The following EFCAB11 variants were observed in gnomAD, a reference collection of about 807,000 sequenced individuals.
EFCAB11 encodes the protein EF-hand calcium-binding domain-containing protein 11.
Under a neutral mutation model 23.0 loss-of-function variants are expected in EFCAB11, and 14 were observed. That is an observed-to-expected ratio of 0.61 (90% CI 0.40 to 0.95). The LOEUF (loss-of-function observed/expected upper bound fraction) is 0.95, where lower values mean the gene tolerates loss of function less well. Ranked by LOEUF, EFCAB11 falls within the 40% of genes least tolerant of loss-of-function variation. EFCAB11 has a pLI of 0.00. For synonymous variants in EFCAB11, 65 were observed against 66.6 expected (o/e 0.98, Z 0.11); for missense variants, 198 against 195.8 (o/e 1.01, Z -0.07).
chr14:89,800,219 A>G (rs1481553909), intron 5 of EFCAB11, among the ~76,000 whole-genome samples: 2 of 151,630 alleles, frequency 1.3e-5, no homozygotes, highest in African/African-American at 4.8e-5. Flanking sequence ...AAACAAACAA[A>G]CAAACGCACG....
chr14:89,950,255 T>C, intron 2 of EFCAB11, 113 bp from the exon 3 acceptor site: 1 of 1,133,036 alleles, frequency 8.8e-7, no homozygotes, highest in Non-Finnish European at 1.2e-6. Flanking sequence ...CCAAGTCTGT[T>C]GAACCAAGCA....
chr14:89,808,281 C>T (rs927920081), intron 5 of EFCAB11, among the ~76,000 whole-genome samples: 5 of 152,118 alleles, frequency 3.3e-5, no homozygotes, highest in African/African-American at 1.2e-4. Flanking sequence ...TTATAATCAC[C>T]CTAGGGGCTG....
In EFCAB11 at chr14:89,925,128, G is replaced by A. The variant is rs1021833449; in HGVS notation, c.410+6413C>T. On this transcript the variant is annotated intron_variant, in intron 5 of 5. Coordinates refer to ENST00000316738, the MANE Select transcript of EFCAB11 (RefSeq NM_145231.4). ...TTATTGAGGAGGACCTTTAAAGATG[G>A]TTTAAACCTGGACAGGTAAGAGTAG... 5.9e-5 allele frequency among the ~76,000 whole-genome samples: 9 copies of A among 152,196 alleles called. No individual in the cohort carries two copies. In the South Asian group the frequency reaches 8.3e-4, roughly 14 times the overall value.
At chr14:89,828,494 A>G (rs902288220) in intron 5 of EFCAB11, among the ~76,000 whole-genome samples, 16 of 152,178 alleles carry the variant, frequency 1.1e-4, no homozygotes, top group Non-Finnish European at 2.4e-4. Context: ...AGACCCAAAG[A>G]GTTCATAGTG....
chr14:89,831,727 A>G (rs1886890750), intron 5 of EFCAB11, among the ~76,000 whole-genome samples: 2 of 152,280 alleles, frequency 1.3e-5, no homozygotes, highest in African/African-American at 4.8e-5. Context: ...TTTTAAAGAA[A>G]GAGCATGTAT....
chr14:89,878,223 G>T (rs538854731), intron 5 of EFCAB11, among the ~76,000 whole-genome samples: 160 of 152,300 alleles, frequency 1.1e-3, no homozygotes, highest in African/African-American at 3.7e-3. Flanking sequence ...CTGTGGTAGT[G>T]TGGTATGTGG....
chr14:89,835,833 G>T (rs775513776), intron 5 of EFCAB11, among the ~76,000 whole-genome samples: 21 of 151,752 alleles, frequency 1.4e-4, no homozygotes, highest in Non-Finnish European at 2.1e-4. Context: ...TCACCATGTT[G>T]GCCAGGCTGG....
intron 5 of EFCAB11, among the ~76,000 whole-genome samples, chr14:89,842,566 C>T (rs1278208940): frequency 6.6e-6 from 1 of 151,782 alleles, no homozygotes; most frequent in East Asian, 1.9e-4. Flanking sequence ...CAGAGTGACC[C>T]ACTGTCTCAA....
intron 5 of EFCAB11, among the ~76,000 whole-genome samples, chr14:89,852,935 C>T (rs530999213): frequency 1.8e-4 from 27 of 152,276 alleles, no homozygotes; most frequent in African/African-American, 6.5e-4. Context: ...GACATTCCTA[C>T]CTTCTCTCCA....
intron 5 of EFCAB11, among the ~76,000 whole-genome samples, chr14:89,908,491 T>G (rs1889565158): frequency 6.6e-6 from 1 of 152,192 alleles, no homozygotes; most frequent in Admixed American, 6.5e-5. Flanking sequence ...TGCACAAAAC[T>G]ATGAAAAATA....
At chr14:89,947,307 C>A (rs112036275) in intron 3 of EFCAB11, among the ~76,000 whole-genome samples, 1,974 of 151,944 alleles carry the variant, frequency 0.013, 16 homozygotes, top group Middle Eastern at 0.02. Flanking sequence ...CACAATAGGT[C>A]TCCTTCCCTC....
intron 5 of EFCAB11, among the ~76,000 whole-genome samples, chr14:89,803,622 T>C (rs1473646426): frequency 6.6e-6 from 1 of 152,214 alleles, no homozygotes; most frequent in East Asian, 1.9e-4. Context: ...TGATTCTTTA[T>C]GGAATAATTT....
At chr14:89,940,154 G>A (rs1282138730) in intron 3 of EFCAB11, among the ~76,000 whole-genome samples, 1 of 152,170 alleles carries the variant, frequency 6.6e-6, no homozygotes, top group East Asian at 1.9e-4. Flanking sequence ...AATAAACATG[G>A]ATGGGTGAAT....
At chr14:89,835,220 G>A (rs1026609205) in intron 5 of EFCAB11, among the ~76,000 whole-genome samples, 8 of 152,300 alleles carry the variant, frequency 5.3e-5, no homozygotes, top group Non-Finnish European at 7.4e-5. Context: ...GATGCCCGGA[G>A]GCAGAGGCCC....
chr14:89,898,191 G>T (rs1246248586), intron 5 of EFCAB11, among the ~76,000 whole-genome samples: 1 of 152,134 alleles, frequency 6.6e-6, no homozygotes, highest in Non-Finnish European at 1.5e-5. Context: ...CCCCAACAAG[G>T]TGTGAGGCCT....
At chr14:89,920,426 TAAA>T (rs1889986773) in intron 5 of EFCAB11, among the ~76,000 whole-genome samples, 1 of 152,120 alleles carries the variant, frequency 6.6e-6, no homozygotes, top group Non-Finnish European at 1.5e-5. Context: ...CTAACGCTGT[TAAA>T]AGAAGTGAGA....
At chr14:89,807,737 A>G (rs2150306) in intron 5 of EFCAB11, among the ~76,000 whole-genome samples, 13,544 of 152,242 alleles carry the variant, frequency 0.089, 720 homozygotes, top group East Asian at 0.22. Context: ...TTAATAATAC[A>G]TGATAGAAGG....
intron 5 of EFCAB11, among the ~76,000 whole-genome samples, chr14:89,927,722 ATTC>A (rs1397792042): frequency 6.7e-4 from 100 of 150,292 alleles, no homozygotes; most frequent in African/African-American, 2.3e-3. Context: ...AATATGTGTT[ATTC>A]TTTTTTTTTT....
rs1885558469 is a variant in EFCAB11 at position 89,795,801 on chromosome 14, A to T, written c.*1442T>A. On this transcript the variant is annotated 3_prime_UTR_variant, in exon 6 of 6. Transcript: ENST00000316738. ...AATTTTAACACTTAAAAAGTGAATT[A>T]TATTAAAAGTTCTTTGACTAATGTT... is the stretch of plus-strand genomic sequence containing the variant. 1 of 152,244 alleles carries T rather than the reference A, an allele frequency of 6.6e-6. No homozygotes were observed. The highest frequency in any genetic ancestry group is 2.1e-4 in the South Asian group (1 of 4,836). 9.4% of individuals were successfully genotyped at this position (152,244 alleles called of 1,614,324 possible). A position where few individuals can be genotyped will look rare whatever the true frequency, so the allele number is the denominator to read the frequency against.
Sources: gnomAD v4.1 joint callset for allele counts (sites outside exome capture counted in the v4.1 genomes callset) on GRCh38, gnomAD v4.1.1 for gene constraint, MANE v1.5 for transcripts, NCBI Gene and HGNC (gene_info 2026-07-23, HGNC 2026-07-21) for gene names.